The following SGMS2 variants were observed in gnomAD, a reference collection of about 807,000 sequenced individuals.
The protein encoded by SGMS2 is phosphatidylcholine:ceramide cholinephosphotransferase 2.
In SGMS2, 21 loss-of-function variants were observed where a neutral mutation model predicts 43.8. That is an observed-to-expected ratio of 0.48 (90% CI 0.34 to 0.69). SGMS2 has a LOEUF of 0.69. SGMS2 is among the 30% of genes least tolerant of loss of function. The probability of loss-of-function intolerance (pLI) is 0.01; values close to 1 mark genes in which losing one functional copy is unlikely to be tolerated. For missense variants in SGMS2, 384 were observed against 443.2 expected, an observed-to-expected ratio of 0.87 and a Z score of 1.20; for synonymous variants, 167 against 160.6, an observed-to-expected ratio of 1.04 and a Z score of -0.30.
chr4:107,826,997 G>C (rs1725630490), intron 1 of SGMS2, among the ~76,000 whole-genome samples: 1 of 152,176 alleles, frequency 6.6e-6, no homozygotes, highest in Non-Finnish European at 1.5e-5. Context: ...CTTTGAGCAA[G>C]TTTACTTAAA....
In SGMS2 at chr4:107,908,641, A is replaced by G. The variant is rs1241183237; in HGVS notation, c.804A>G (p.Val268=). Residue 268 remains valine (V), a synonymous_variant, in exon 6 of 7, where the codon GTA becomes GTG. Transcript: ENST00000690982. ...LSAAGIICIL[V]AHEHYTIDVI... ...CTGCCGGGATCATCTGCATTCTTGT[A>G]GCACACGAACACTACACTATCGATG... 1.2e-6 allele frequency: 2 copies of G among 1,613,862 alleles called. No individual in the cohort carries two copies. Among genetic ancestry groups the G allele is most frequent in the Non-Finnish European group, 1.7e-6 (2 of 1,179,874 alleles).
intron 2 of SGMS2, among the ~76,000 whole-genome samples, chr4:107,878,751 TTC>T (rs1729116958): frequency 6.6e-6 from 1 of 152,194 alleles, no homozygotes; most frequent in South Asian, 2.1e-4. Context: ...GGGCTGCAAT[TTC>T]TCTCTTTCCA....
At chr4:107,890,504 A>T (rs560044155) in intron 2 of SGMS2, among the ~76,000 whole-genome samples, 1 of 151,998 alleles carries the variant, frequency 6.6e-6, no homozygotes, top group Non-Finnish European at 1.5e-5. Flanking sequence ...GTGAAACGTC[A>T]TCTGTACTAA....
intron 2 of SGMS2, among the ~76,000 whole-genome samples, chr4:107,870,896 G>A (rs1728515662): frequency 6.6e-6 from 1 of 151,960 alleles, no homozygotes; most frequent in Middle Eastern, 3.4e-3. Flanking sequence ...TATTTATATA[G>A]AGTCATCAAT....
At chr4:107,853,166 C>T (rs1727247340) in intron 1 of SGMS2, among the ~76,000 whole-genome samples, 1 of 151,910 alleles carries the variant, frequency 6.6e-6, no homozygotes, top group Non-Finnish European at 1.5e-5. Context: ...ACAAGATTGC[C>T]AATTGTCTGG....
At chr4:107,862,577 A>G (rs1043925765) in intron 2 of SGMS2, among the ~76,000 whole-genome samples, 2 of 152,166 alleles carry the variant, frequency 1.3e-5, no homozygotes, top group African/African-American at 4.8e-5. Flanking sequence ...ATAGTAGCCT[A>G]TATTTCAGCT....
intron 1 of SGMS2, among the ~76,000 whole-genome samples, chr4:107,826,322 G>A (rs776535269): frequency 1.3e-5 from 2 of 152,308 alleles, no homozygotes; most frequent in South Asian, 4.1e-4. Flanking sequence ...AAGCCTGGTG[G>A]GCCGAGGGTT....
intron 2 of SGMS2, among the ~76,000 whole-genome samples, chr4:107,877,879 T>C (rs1474457634): frequency 6.6e-6 from 1 of 151,564 alleles, no homozygotes; most frequent in African/African-American, 2.4e-5. Context: ...GTAGAAAATT[T>C]CCACCTCACT....
At chr4:107,871,814 G>A (rs1728574775) in intron 2 of SGMS2, among the ~76,000 whole-genome samples, 1 of 152,034 alleles carries the variant, frequency 6.6e-6, no homozygotes, top group Admixed American at 6.6e-5. Context: ...CTGAATTCTT[G>A]TTAGATATTT....
chr4:107,903,404 C>A lies in SGMS2; in HGVS notation c.727+18C>A. 1.2e-6 allele frequency: 2 copies of A among 1,612,652 alleles called. No homozygotes were observed. Among genetic ancestry groups the A allele is most frequent in the Non-Finnish European group, 1.7e-6 (2 of 1,179,118 alleles). ...CAAAGAATGTAAGTAATAGCCCATT[C>A]CCACTGAACTGATAGCTGTAGTGGG... is the stretch of plus-strand genomic sequence containing the variant. On this transcript the variant is annotated intron_variant, in intron 5 of 6. Transcript: ENST00000690982.
chr4:107,898,619 A>G (rs769183002), intron 3 of SGMS2, among the ~76,000 whole-genome samples: 8 of 152,190 alleles, frequency 5.3e-5, no homozygotes, highest in Non-Finnish European at 7.3e-5. Flanking sequence ...CCCAGAGCTG[A>G]CAGACCTAAC....
chr4:107,853,030 G>T (rs970263473), intron 1 of SGMS2, among the ~76,000 whole-genome samples: 96 of 152,070 alleles, frequency 6.3e-4, no homozygotes, highest in Non-Finnish European at 3.4e-4. Flanking sequence ...AGGTTTGAAG[G>T]CATTTGTTTA....
At chr4:107,858,704 T>C (rs1180224933) in intron 2 of SGMS2, 151 bp downstream of exon 2, 2 of 152,246 alleles carry the variant, frequency 1.3e-5, no homozygotes, top group Middle Eastern at 3.2e-3. Context: ...GGTTAAGACA[T>C]TCATAAATGT....
intron 2 of SGMS2, among the ~76,000 whole-genome samples, chr4:107,887,071 A>T (rs1179658159): frequency 2.6e-5 from 4 of 152,230 alleles, no homozygotes; most frequent in African/African-American, 9.6e-5. Flanking sequence ...AAAAAAAGTT[A>T]AAAAGATTAC....
chr4:107,909,991 G>A (rs1274528670), intron 6 of SGMS2, among the ~76,000 whole-genome samples: 1 of 151,780 alleles, frequency 6.6e-6, no homozygotes, highest in Non-Finnish European at 1.5e-5. Context: ...CCTCTTAAAT[G>A]TGTTCAACTT....
intron 2 of SGMS2, among the ~76,000 whole-genome samples, chr4:107,862,524 T>C (rs2126035086): frequency 6.6e-6 from 1 of 152,300 alleles, no homozygotes; most frequent in African/African-American, 2.4e-5. Flanking sequence ...ACCCTGTAAT[T>C]AGCTTTGTCT....
intron 1 of SGMS2, among the ~76,000 whole-genome samples, chr4:107,835,668 A>G (rs1408786880): frequency 6.6e-6 from 1 of 152,244 alleles, no homozygotes; most frequent in South Asian, 2.1e-4. Flanking sequence ...CAGTATCTCC[A>G]TAACAGAATG....
At chr4:107,829,930 A>T (rs537147830) in intron 1 of SGMS2, among the ~76,000 whole-genome samples, 1 of 152,062 alleles carries the variant, frequency 6.6e-6, no homozygotes, top group African/African-American at 2.4e-5. Context: ...GGTTTGTTAC[A>T]TGGGTAAATT....
intron 1 of SGMS2, among the ~76,000 whole-genome samples, chr4:107,855,812 G>T (rs1411316357): frequency 6.6e-6 from 1 of 152,052 alleles, no homozygotes; most frequent in African/African-American, 2.4e-5. Context: ...TTATTGTTTT[G>T]CAATCTGTCT....
Sources: gnomAD v4.1 joint callset for allele counts (sites outside exome capture counted in the v4.1 genomes callset) on GRCh38, gnomAD v4.1.1 for gene constraint, MANE v1.5 for transcripts, NCBI Gene and HGNC (gene_info 2026-07-23, HGNC 2026-07-21) for gene names.